CLCN7: variants seen among roughly 807,000 people sequenced by gnomAD.
The protein encoded by CLCN7 is H(+)/Cl(-) exchange transporter 7.
A neutral mutation model predicts 102.1 loss-of-function variants in CLCN7; 60 were observed. The ratio of observed to expected loss-of-function variants is 0.59; its 90% CI spans 0.48 to 0.73. CLCN7 has a LOEUF of 0.73. Ranked by LOEUF, CLCN7 falls within the 30% of genes least tolerant of loss-of-function variation. The pLI is 0.00. For synonymous variants in CLCN7, 560 were observed against 490.5 expected (o/e 1.14, Z -1.87); for missense variants, 962 against 1,125.7 (o/e 0.85, Z 2.08).
Position 1,446,464 on chromosome 16 carries a change from C to T in CLCN7, c.*167G>A, listed in dbSNP as rs576207292. 27 of 720,264 alleles carry T rather than the reference C, an allele frequency of 3.7e-5. No homozygotes were observed. The highest frequency in any genetic ancestry group is 8.7e-5 in the African/African-American group (5 of 57,672). 44.6% of individuals were successfully genotyped at this position (720,264 alleles called of 1,614,324 possible). On this transcript the variant is annotated 3_prime_UTR_variant, in exon 25 of 25. Transcript: ENST00000382745. ...CCACTGCCCACAACAGGGTCAGTCC[C>T]GCGAGAGGGTCAGTTCCGCGCCTGC...
chr16:1,460,636 C>A, intron 5 of CLCN7, 109 bp from the exon 6 acceptor site: 2 of 1,255,888 alleles, frequency 1.6e-6, no homozygotes, highest in Non-Finnish European at 2.3e-6. Flanking sequence ...CTGGGTGGAG[C>A]CATGATGTTC....
At chr16:1,447,298 T>C (rs1263073267) in intron 23 of CLCN7, 94 bp downstream of exon 23, 10 of 1,329,008 alleles carry the variant, frequency 7.5e-6, no homozygotes, top group Admixed American at 2.1e-5. Flanking sequence ...CTCTCCGCTG[T>C]GGCCCCCCCC....
chr16:1,447,151 A>C (rs1384151429), intron 23 of CLCN7, 65 bp from the exon 24 acceptor site: 2 of 1,464,280 alleles, frequency 1.4e-6, no homozygotes, highest in African/African-American at 2.8e-5. Flanking sequence ...CCCTCACCCA[A>C]GCTGGCTCCC....
chr16:1,471,036 G>A (rs1055940452), intron 1 of CLCN7, among the ~76,000 whole-genome samples: 1 of 152,044 alleles, frequency 6.6e-6, no homozygotes, highest in African/African-American at 2.4e-5. Flanking sequence ...CCTCACCCTC[G>A]CCCTGTCCCA....
chr16:1,467,615 C>T (rs1168044547), intron 1 of CLCN7: 1 of 152,552 alleles, frequency 6.6e-6, no homozygotes, highest in East Asian at 1.9e-4. Flanking sequence ...CAAACAGAGA[C>T]CACGGAACCC....
intron 2 of CLCN7, among the ~76,000 whole-genome samples, chr16:1,463,774 G>GAA (rs34219752): frequency 0.066 from 9,535 of 144,134 alleles, 518 homozygotes; most frequent in African/African-American, 0.14. Context: ...CACCTGCCCA[G>GAA]AAAAAAAAAA....
At chr16:1,455,484 G>A in intron 11 of CLCN7, 1 of 649,762 alleles carries the variant, frequency 1.5e-6, no homozygotes, top group East Asian at 2.7e-5. Flanking sequence ...GTGGGGCAGG[G>A]CTGGGTTCCC....
chr16:1,446,773 G>A, intron 24 of CLCN7, 56 bp from the exon 25 acceptor site: 1 of 1,437,606 alleles, frequency 7.0e-7, no homozygotes, highest in Non-Finnish European at 9.6e-7. Context: ...CCTGCCTGTG[G>A]AGCTCCCTGC....
intron 18 of CLCN7, 91 bp from the exon 19 acceptor site, chr16:1,449,184 C>T (rs977954583): frequency 1.9e-6 from 3 of 1,586,598 alleles, no homozygotes; most frequent in African/African-American, 2.7e-5. Context: ...ATCCCATCCA[C>T]CTGCTCCCAG....
intron 15 of CLCN7, chr16:1,452,274 C>T: frequency 4.2e-6 from 1 of 236,732 alleles, no homozygotes; most frequent in Admixed American, 5.1e-5. Flanking sequence ...TAGGCTCTCC[C>T]TGTTCTGGAT....
intron 9 of CLCN7, 127 bp from the exon 10 acceptor site, chr16:1,456,333 C>G (rs1703209750): frequency 2.7e-6 from 2 of 736,246 alleles, no homozygotes; most frequent in South Asian, 1.5e-5. Flanking sequence ...GTCAGCAGCT[C>G]TGATTCCTGA....
At chr16:1,453,505 A>G (rs1171410244) in intron 14 of CLCN7, among the ~76,000 whole-genome samples, 1 of 152,236 alleles carries the variant, frequency 6.6e-6, no homozygotes, top group Non-Finnish European at 1.5e-5. Flanking sequence ...GTGTCCCAGG[A>G]CAGCTGCGGT....
intron 13 of CLCN7, 113 bp from the exon 14 acceptor site, chr16:1,454,007 CAGGGGGCT>C (rs2038795063): frequency 1.0e-6 from 1 of 982,790 alleles, no homozygotes; most frequent in Non-Finnish European, 1.6e-6. Context: ...AAGGGGACGG[CAGGGGGCT>C]AGGGGGTCCT....
At chr16:1,451,933 C>T (rs1431848835) in intron 15 of CLCN7, 1 of 579,858 alleles carries the variant, frequency 1.7e-6, no homozygotes, top group Non-Finnish European at 3.2e-6. Context: ...GGAGGACACA[C>T]ACGGCCTAGG....
chr16:1,461,697 G>A (rs2038940376), intron 2 of CLCN7, 23 bp from the exon 3 acceptor site: 2 of 1,606,596 alleles, frequency 1.2e-6, no homozygotes, highest in Non-Finnish European at 1.7e-6. Flanking sequence ...AAGGCAAAGA[G>A]AGAAGCACAG....
intron 1 of CLCN7, 129 bp from the exon 2 acceptor site, chr16:1,465,467 G>T: frequency 1.2e-6 from 1 of 827,676 alleles, no homozygotes; most frequent in Admixed American, 2.0e-5. Flanking sequence ...GCTAGGCCAG[G>T]CCTGCCTGCT....
chr16:1,468,329 C>T (rs960923485), intron 1 of CLCN7, among the ~76,000 whole-genome samples: 1 of 152,184 alleles, frequency 6.6e-6, no homozygotes, highest in African/African-American at 2.4e-5. Context: ...AGGGGTTGCC[C>T]CCCAGCAGGG....
chr16:1,455,274 G>C, intron 11 of CLCN7, 24 bp from the exon 12 acceptor site: 2 of 1,448,544 alleles, frequency 1.4e-6, no homozygotes, highest in East Asian at 4.5e-5. Flanking sequence ...CAGGAAACCA[G>C]CGCCCTCAGA....
chr16:1,450,350 G>C, intron 17 of CLCN7, 147 bp downstream of exon 17: 6 of 827,610 alleles, frequency 7.2e-6, no homozygotes, highest in Non-Finnish European at 1.2e-5. Context: ...CACGGCCCGT[G>C]AACCACGCGA....
Sources: gnomAD v4.1 joint callset for allele counts (sites outside exome capture counted in the v4.1 genomes callset) on GRCh38, gnomAD v4.1.1 for gene constraint, MANE v1.5 for transcripts, NCBI Gene and HGNC (gene_info 2026-07-23, HGNC 2026-07-21) for gene names.